FAM13A: variants seen among roughly 807,000 people sequenced by gnomAD.
FAM13A encodes family with sequence similarity 13 member A.
Under a neutral mutation model 129.6 loss-of-function variants are expected in FAM13A, and 76 were observed. The observed-to-expected ratio is 0.59, with a 90% CI of 0.49 to 0.71. FAM13A has a LOEUF of 0.71. FAM13A is among the 30% of genes least tolerant of loss of function. The pLI, the probability that FAM13A is intolerant of heterozygous loss-of-function variation, is 0.00. For synonymous variants in FAM13A, 443 were observed against 449.9 expected, an observed-to-expected ratio of 0.98 and a Z score of 0.20; for missense variants, 1,108 against 1,249.3, an observed-to-expected ratio of 0.89 and a Z score of 1.70.
intron 6 of FAM13A, among the ~76,000 whole-genome samples, chr4:88,880,037 T>C (rs1743262984): frequency 6.6e-6 from 1 of 152,134 alleles, no homozygotes; most frequent in African/African-American, 2.4e-5. Flanking sequence ...ATTATTATTA[T>C]ATATTATTAT....
intron 7 of FAM13A, among the ~76,000 whole-genome samples, chr4:88,813,017 C>T (rs1729966810): frequency 6.6e-6 from 1 of 152,090 alleles, no homozygotes. Flanking sequence ...GGTTTTCTCC[C>T]ATCCTTACTT....
At chr4:88,965,493 AT>A (rs1759230714) in intron 4 of FAM13A, among the ~76,000 whole-genome samples, 1 of 152,190 alleles carries the variant, frequency 6.6e-6, no homozygotes, top group African/African-American at 2.4e-5. Context: ...AAATTTTGTG[AT>A]TTAAATACTG....
intron 5 of FAM13A, among the ~76,000 whole-genome samples, chr4:88,926,873 A>C (rs1466883620): frequency 6.6e-6 from 1 of 152,160 alleles, no homozygotes; most frequent in African/African-American, 2.4e-5. Flanking sequence ...CATGCTATTA[A>C]AAATTTAACT....
chr4:88,906,362 G>A lies in FAM13A; in HGVS notation c.843+17C>T, dbSNP rs556045389. ...TAAAGATTTCACATGGTCGCCTACAGAGAAAACATAGTTTACCTTGGTTTT... is the reference window on the plus strand; with the variant it reads ...TAAAGATTTCACATGGTCGCCTACAAAGAAAACATAGTTTACCTTGGTTTT... On this transcript the variant is annotated intron_variant, in intron 6 of 23. Coordinates refer to ENST00000264344, the MANE Select transcript of FAM13A (RefSeq NM_014883.4). The A allele has an allele frequency of 4.6e-6, 7 of 1,531,596 alleles. No individual in the cohort carries two copies. In the East Asian group the frequency reaches 1.1e-4, roughly 25 times the overall value. The allele number at this position is 1,531,596 out of a possible 1,614,324, so 94.9% of individuals were successfully genotyped here.
chr4:88,794,863 T>C (rs1206738099), intron 8 of FAM13A, among the ~76,000 whole-genome samples: 1 of 151,842 alleles, frequency 6.6e-6, no homozygotes, highest in African/African-American at 2.4e-5. Context: ...AATATAGTAT[T>C]TTTAGTATCA....
At chr4:88,878,493 A>G (rs1415014908) in intron 6 of FAM13A, among the ~76,000 whole-genome samples, 3 of 152,082 alleles carry the variant, frequency 2.0e-5, no homozygotes, top group Non-Finnish European at 4.4e-5. Context: ...ATCATGTCTA[A>G]AATTAGAAAA....
chr4:88,939,081 G>A (rs985224702), intron 4 of FAM13A, among the ~76,000 whole-genome samples: 2 of 152,156 alleles, frequency 1.3e-5, no homozygotes, highest in Non-Finnish European at 2.9e-5. Context: ...AATTTTCTGA[G>A]GCTGTTGTAA....
At chr4:88,755,074 A>G (rs1743359399) in intron 14 of FAM13A, among the ~76,000 whole-genome samples, 1 of 152,136 alleles carries the variant, frequency 6.6e-6, no homozygotes, top group African/African-American at 2.4e-5. Context: ...GTCTTTTCAA[A>G]TGCACCATTT....
At chr4:88,794,794 T>C (rs1053539095) in intron 8 of FAM13A, among the ~76,000 whole-genome samples, 1 of 151,970 alleles carries the variant, frequency 6.6e-6, no homozygotes, top group African/African-American at 2.4e-5. Flanking sequence ...AACCTAAGGA[T>C]AAAGCTCATG....
At chr4:88,997,960 G>A (rs1010154248) in intron 3 of FAM13A, among the ~76,000 whole-genome samples, 4 of 152,148 alleles carry the variant, frequency 2.6e-5, no homozygotes, top group African/African-American at 7.2e-5. Flanking sequence ...CAGATTAAGA[G>A]AGGTTATAAA....
At chr4:88,859,815 C>T (rs1270656933) in intron 6 of FAM13A, among the ~76,000 whole-genome samples, 1 of 152,120 alleles carries the variant, frequency 6.6e-6, no homozygotes. Context: ...ACACTATTAG[C>T]TTCTTTATTC....
intron 8 of FAM13A, among the ~76,000 whole-genome samples, chr4:88,797,068 C>T (rs1726336388): frequency 6.6e-6 from 1 of 152,016 alleles, no homozygotes; most frequent in Admixed American, 6.6e-5. Flanking sequence ...ATTATAGTTT[C>T]ATTACTTTCT....
At chr4:88,808,127 C>T (rs545841429) in intron 7 of FAM13A, among the ~76,000 whole-genome samples, 1 of 152,194 alleles carries the variant, frequency 6.6e-6, no homozygotes, top group African/African-American at 2.4e-5. Context: ...TCTATTTTCC[C>T]TTTCATAAAA....
intron 5 of FAM13A, among the ~76,000 whole-genome samples, chr4:88,913,155 AG>A (rs1294403784): frequency 1.2e-3 from 180 of 147,496 alleles, no homozygotes; most frequent in African/African-American, 4.3e-3. Context: ...GAAGAAGAGG[AG>A]GAGGAGGAAG....
chr4:88,800,380 C>G (rs916667204), intron 8 of FAM13A, among the ~76,000 whole-genome samples: 3 of 151,974 alleles, frequency 2.0e-5, no homozygotes, highest in African/African-American at 4.8e-5. Context: ...GGATGTGCCC[C>G]CTCCGTTTAG....
At chr4:88,959,416 ACT>A (rs1189713737) in intron 4 of FAM13A, among the ~76,000 whole-genome samples, 1 of 151,888 alleles carries the variant, frequency 6.6e-6, no homozygotes, top group Non-Finnish European at 1.5e-5. Context: ...TGATGAGTGA[ACT>A]CTCACTCTGA....
chr4:88,737,408 G>A (rs894758505), intron 21 of FAM13A, 64 bp downstream of exon 21: 15 of 1,356,780 alleles, frequency 1.1e-5, no homozygotes, highest in Middle Eastern at 2.1e-4. Context: ...ATTCACCGGA[G>A]GGGAGGGGAG....
Position 88,728,199 on chromosome 4 carries a change from G to A in FAM13A, c.*334C>T. 1 of 292,712 alleles carries A rather than the reference G, an allele frequency of 3.4e-6. No homozygotes were observed. 18.1% of individuals were successfully genotyped at this position (292,712 alleles called of 1,614,324 possible). ...CAGGGAAGAACAGTGTATATTCTCT[G>A]TAGATGAGTGTTGTCTAATGTAGTG... is the stretch of plus-strand genomic sequence containing the variant. On this transcript the variant is annotated 3_prime_UTR_variant, in exon 24 of 24. Transcript: ENST00000264344.
At chr4:89,019,093 C>T (rs1021358141) in intron 3 of FAM13A, among the ~76,000 whole-genome samples, 60 of 152,316 alleles carry the variant, frequency 3.9e-4, no homozygotes, top group African/African-American at 1.4e-3. Flanking sequence ...AGGTCTCCTT[C>T]CCTAGGGGAT....
Sources: gnomAD v4.1 joint callset for allele counts (sites outside exome capture counted in the v4.1 genomes callset) on GRCh38, gnomAD v4.1.1 for gene constraint, MANE v1.5 for transcripts, NCBI Gene and HGNC (gene_info 2026-07-23, HGNC 2026-07-21) for gene names.